The following RNF2 variants were observed in gnomAD, a reference collection of about 807,000 sequenced individuals.
The protein encoded by RNF2 is E3 ubiquitin-protein ligase RING2.
Under a neutral mutation model 37.2 loss-of-function variants are expected in RNF2, and 6 were observed. The ratio of observed to expected loss-of-function variants is 0.16; its 90% confidence interval spans 0.09 to 0.32. The LOEUF is 0.32. Among genes scored for constraint, RNF2 ranks in the 10% least tolerant of loss-of-function variants. The pLI, the probability that RNF2 is intolerant of heterozygous loss-of-function variation, is 1.00. For missense variants in RNF2, 251 were observed against 404.0 expected (o/e 0.62, Z 3.25); for synonymous variants, 133 against 132.7 (o/e 1.00, Z -0.02).
intron 1 of RNF2, 49 bp from the exon 2 acceptor site, chr1:185,087,503 A>G: frequency 6.8e-7 from 1 of 1,477,388 alleles, no homozygotes; most frequent in Non-Finnish European, 9.5e-7. Flanking sequence ...AGACCATAGC[A>G]CTTCCCTTCC....
At chr1:185,095,376 T>G (rs1460026838) in intron 4 of RNF2, among the ~76,000 whole-genome samples, 1 of 152,228 alleles carries the variant, frequency 6.6e-6, no homozygotes, top group Non-Finnish European at 1.5e-5. Context: ...CCTTTGTACT[T>G]ACACTACTCT....
At chr1:185,090,526 T>G (rs1319355059) in intron 2 of RNF2, among the ~76,000 whole-genome samples, 1 of 152,252 alleles carries the variant, frequency 6.6e-6, no homozygotes, top group African/African-American at 2.4e-5. Flanking sequence ...ACAAACATTT[T>G]ATTAATGCTT....
rs1430650650 is a variant in RNF2 at position 185,100,627 on chromosome 1, A to C, written c.*326A>C. 1 of 178,472 alleles carries C rather than the reference A, an allele frequency of 5.6e-6. No individual in the cohort carries two copies. Among genetic ancestry groups the C allele is most frequent in the Non-Finnish European group, 1.2e-5 (1 of 85,646 alleles). 11.1% of individuals were successfully genotyped at this position (178,472 alleles called of 1,614,324 possible). A position where few individuals can be genotyped will look rare whatever the true frequency, so the allele number is the denominator to read the frequency against. ...TTTTCATAGTTTCTGTATTCTTATA[A>C]GATTCAGTTGGCTGTCCTTTTCCTG... On this transcript the variant is annotated 3_prime_UTR_variant, in exon 7 of 7. Transcript: ENST00000367510.
chr1:185,072,563 ATTCCT>A (rs1651010114), intron 1 of RNF2, among the ~76,000 whole-genome samples: 3 of 152,056 alleles, frequency 2.0e-5, no homozygotes, highest in Admixed American at 1.3e-4. Flanking sequence ...GGAAGAAATC[ATTCCT>A]TTCCAAGCAG....
At chr1:185,061,857 G>C (rs1309845345) in intron 1 of RNF2, among the ~76,000 whole-genome samples, 2 of 152,158 alleles carry the variant, frequency 1.3e-5, no homozygotes, top group African/African-American at 2.4e-5. Context: ...AGTTTAGAGA[G>C]CTCTTGATGC....
intron 1 of RNF2, among the ~76,000 whole-genome samples, chr1:185,055,353 A>G (rs1571294311): frequency 6.6e-6 from 1 of 152,088 alleles, no homozygotes; most frequent in Non-Finnish European, 1.5e-5. Flanking sequence ...AGATTTTCTT[A>G]TTGGGGTGAT....
In RNF2 at chr1:185,085,145, C is replaced by CTTTTTTTTT. The variant is rs71555455; in HGVS notation, c.-2-2394_-2-2386dup. Among the ~76,000 whole-genome samples, 95 of 103,198 alleles carry CTTTTTTTTT rather than the reference C, an allele frequency of 9.2e-4. 1 individual carries two copies. The highest frequency in any genetic ancestry group is 2.0e-3 in the African/African-American group (51 of 25,102). The allele number at this position is 103,198 out of a possible 152,430, so 67.7% of individuals were successfully genotyped here. On this transcript the variant is annotated intron_variant, in intron 1 of 6. Coordinates refer to ENST00000367510, the MANE Select transcript of RNF2 (RefSeq NM_007212.4). ...CCATATTTGACCCTTCTTTCTTTTT[C>CTTTTTTTTT]TTTTTTTTTTTTTTTTTTTTTGAGA...
At chr1:185,079,150 T>A (rs1651272184) in intron 1 of RNF2, among the ~76,000 whole-genome samples, 1 of 152,102 alleles carries the variant, frequency 6.6e-6, no homozygotes, top group Non-Finnish European at 1.5e-5. Context: ...AGACTAATGC[T>A]TACTTTTCAT....
chr1:185,076,265 G>GTTTTTTTTTTTTTTTTTTTTTTTT (rs1557967374), intron 1 of RNF2, among the ~76,000 whole-genome samples: 1 of 39,540 alleles, frequency 2.5e-5, no homozygotes. Flanking sequence ...TCTTTTATGG[G>GTTTTTTTTTTTTTTTTTTTTTTTT]TTGTTTTTTT....
intron 2 of RNF2, among the ~76,000 whole-genome samples, chr1:185,091,152 G>A (rs1385480285): frequency 6.6e-6 from 1 of 152,152 alleles, no homozygotes. Context: ...AACTTTTGAA[G>A]GTGGACGTTT....
At chr1:185,095,056 TAA>T (rs1007533105) in intron 4 of RNF2, among the ~76,000 whole-genome samples, 2 of 152,218 alleles carry the variant, frequency 1.3e-5, no homozygotes, top group Non-Finnish European at 2.9e-5. Flanking sequence ...GCTTAAAGGT[TAA>T]AAGATGTGCT....
intron 1 of RNF2, among the ~76,000 whole-genome samples, chr1:185,065,986 C>T (rs771099977): frequency 5.9e-5 from 9 of 151,498 alleles, no homozygotes; most frequent in African/African-American, 2.2e-4. Flanking sequence ...AGCATCTACA[C>T]AGCCACAAGC....
chr1:185,082,596 CT>C, intron 1 of RNF2, among the ~76,000 whole-genome samples: 2 of 151,876 alleles, frequency 1.3e-5, no homozygotes, highest in Admixed American at 6.6e-5. Flanking sequence ...CTCAGGTAAT[CT>C]ACCCTCCTTG....
intron 1 of RNF2, among the ~76,000 whole-genome samples, chr1:185,082,475 C>T (rs534892836): frequency 6.6e-6 from 1 of 151,718 alleles, no homozygotes; most frequent in Non-Finnish European, 1.5e-5. Flanking sequence ...CTCAGCCCCC[C>T]AGTAGCTGGG....
Position 185,091,710 on chromosome 1 carries a change from A to C in RNF2, c.219A>C (p.Ala73=), listed in dbSNP as rs907959808. 13 of 1,614,038 alleles carry C rather than the reference A, an allele frequency of 8.1e-6. No individual in the cohort carries two copies. The highest frequency in any genetic ancestry group is 1.3e-5 in the African/African-American group (1 of 74,946). ...AGGAGTGTTTACATCGTTTTTGTGCAGACTGCATCATCACAGCCCTTAGAA... is the reference window on the plus strand; with the variant it reads ...AGGAGTGTTTACATCGTTTTTGTGCCGACTGCATCATCACAGCCCTTAGAA... The part of the protein sequence containing the change: ...TTKECLHRFC[A]DCIITALRSG... The change falls in exon 3 of 7, where the codon GCA becomes GCC. Residue 73 remains alanine (A), a synonymous_variant. Transcript: ENST00000367510.
At chr1:185,076,276 T>TTTG in intron 1 of RNF2, among the ~76,000 whole-genome samples, 1 of 34,000 alleles carries the variant, frequency 2.9e-5, no homozygotes, top group South Asian at 1.2e-3. Flanking sequence ...TTGTTTTTTT[T>TTTG]TTTTTTTTTT....
chr1:185,066,433 C>T (rs1238411820), intron 1 of RNF2, among the ~76,000 whole-genome samples: 4 of 152,202 alleles, frequency 2.6e-5, no homozygotes, highest in African/African-American at 7.2e-5. Flanking sequence ...ACTTTCACTT[C>T]ACCTTAAACT....
chr1:185,078,717 C>G (rs1386760041), intron 1 of RNF2, among the ~76,000 whole-genome samples: 2 of 152,146 alleles, frequency 1.3e-5, no homozygotes. Flanking sequence ...CGAGACCAGC[C>G]TGGCCAACAT....
intron 5 of RNF2, 77 bp from the exon 6 acceptor site, chr1:185,099,714 A>G: frequency 8.4e-7 from 1 of 1,196,754 alleles, no homozygotes; most frequent in Non-Finnish European, 1.2e-6. Context: ...TAAGAAATGT[A>G]TTAGTTCCAT....
Sources: gnomAD v4.1 joint callset for allele counts (sites outside exome capture counted in the v4.1 genomes callset) on GRCh38, gnomAD v4.1.1 for gene constraint, MANE v1.5 for transcripts, NCBI Gene and HGNC (gene_info 2026-07-23, HGNC 2026-07-21) for gene names.